KAZN: variants seen among roughly 807,000 people sequenced by gnomAD.
KAZN encodes the protein kazrin, periplakin interacting protein, also known as kazrin.
A neutral mutation model predicts 87.4 loss-of-function variants in KAZN; 40 were observed. The ratio of observed to expected loss-of-function variants is 0.46; its 90% CI spans 0.36 to 0.60. KAZN has a LOEUF of 0.60. KAZN is among the 20% of genes least tolerant of loss of function. KAZN has a pLI of 0.00. For missense variants in KAZN, 898 were observed against 1,073.9 expected (o/e 0.84, Z 2.29); for synonymous variants, 466 against 458.3 (o/e 1.02, Z -0.22).
intron 1 of KAZN, among the ~76,000 whole-genome samples, chr1:14,035,722 G>A (rs757013083): frequency 4.0e-5 from 6 of 150,940 alleles, no homozygotes; most frequent in Admixed American, 1.3e-4. Flanking sequence ...TGATCTGCCC[G>A]CCTCGGCCTC....
rs755510527 is a variant in KAZN, at chr1:15,114,574, A to G, written c.2267A>G (p.Gln756Arg). The change falls in exon 15 of 15, where the codon CAG becomes CGG. Residue 756 changes from glutamine to arginine, a missense_variant. Transcript: ENST00000376030. ...GAAGATTGCGGAGACGATGACCCCCAGAGCAGGCTGGAACAGTGCCGTCTG... is the reference window on the plus strand; with the variant it reads ...GAAGATTGCGGAGACGATGACCCCCGGAGCAGGCTGGAACAGTGCCGTCTG... The part of the protein sequence containing the change: ...QNEDCGDDDP[Q>R]SRLEQCRLEG... The G allele has an allele frequency of 3.7e-6, 6 of 1,605,896 alleles. No homozygotes were observed. The South Asian group carries it at 5.6e-5, about 15-fold the overall frequency.
At chr1:14,478,272 A>AG (rs535899241) in intron 2 of KAZN, among the ~76,000 whole-genome samples, 31,598 of 125,180 alleles carry the variant, frequency 0.25, 4,191 homozygotes, top group East Asian at 0.46. Context: ...GAAGGAAGGA[A>AG]GAAAGGAAGG....
At chr1:14,799,159 ATTGT>A (rs367699200) in intron 1 of KAZN, among the ~76,000 whole-genome samples, 40 of 152,324 alleles carry the variant, frequency 2.6e-4, no homozygotes, top group African/African-American at 9.4e-4. Flanking sequence ...CATTTGTGGC[ATTGT>A]TTGTTACTGC....
rs1238722655 is a variant in KAZN at position 14,052,440 on chromosome 1, C to A, written c.92-127995C>A. The stretch of plus-strand genomic sequence containing the variant: ...GGCTCAGTGGTGGCCGCTGCTACAC[C>A]AAGCCATGCAGGATGCCCTATGGGA... On this transcript the variant is annotated intron_variant, in intron 1 of 16. Transcript: ENST00000636203. 7.2e-5 allele frequency among the ~76,000 whole-genome samples: 11 copies of A among 152,052 alleles called. No homozygotes were observed. The East Asian group carries it at 2.1e-3, about 29-fold the overall frequency.
intron 2 of KAZN, among the ~76,000 whole-genome samples, chr1:14,505,007 C>T (rs1670474559): frequency 6.6e-6 from 1 of 152,184 alleles, no homozygotes; most frequent in Admixed American, 6.5e-5. Flanking sequence ...GCAAATACCA[C>T]CGAAAAGTGT....
At chr1:14,593,746 A>G (rs183972233), upstream of KAZN, among the ~76,000 whole-genome samples, 15 of 152,358 alleles carry the variant, frequency 9.8e-5, no homozygotes, top group East Asian at 2.7e-3. Flanking sequence ...AATCAGATGC[A>G]GAGAGCCAGG....
In KAZN at chr1:15,094,095, C is replaced by T; in HGVS notation, c.1223-85C>T. On this transcript the variant is annotated intron_variant, in intron 8 of 14. Coordinates refer to ENST00000376030, the MANE Select transcript of KAZN (RefSeq NM_201628.3). This position sits in a 1 kb window ranked among gnomAD's most constrained non-coding sequence, Gnocchi z 4.5. Reference sequence around the variant, plus strand: ...ATGGAGGGGAGGATGTCCCCACCACCCTCTGCCTCCCGGGGGTATGGCCTG... The same window carrying T: ...ATGGAGGGGAGGATGTCCCCACCACTCTCTGCCTCCCGGGGGTATGGCCTG... 8.0e-7 allele frequency: 1 copy of T among 1,250,368 alleles called. No individual in the cohort carries two copies. The highest frequency in any genetic ancestry group is 1.1e-6 in the Non-Finnish European group (1 of 885,628). The allele number at this position is 1,250,368 out of a possible 1,614,324, so 77.5% of individuals were successfully genotyped here.
chr1:14,967,676 A>C (rs564051584), intron 2 of KAZN, among the ~76,000 whole-genome samples: 1 of 152,158 alleles, frequency 6.6e-6, no homozygotes, highest in Non-Finnish European at 1.5e-5. Flanking sequence ...AGAGGGATTC[A>C]ATGTGGGGCC....
At chr1:14,409,816 A>T (rs1029428123) in intron 2 of KAZN, among the ~76,000 whole-genome samples, 1 of 152,248 alleles carries the variant, frequency 6.6e-6, no homozygotes, top group East Asian at 1.9e-4. Flanking sequence ...TATCTGAAAG[A>T]TAGTATTTTC....
chr1:14,265,529 G>A (rs888961174), intron 2 of KAZN, among the ~76,000 whole-genome samples: 2 of 152,192 alleles, frequency 1.3e-5, no homozygotes, highest in African/African-American at 2.4e-5. Flanking sequence ...ACAGTCAAGT[G>A]ACCACAAGTG....
chr1:14,252,208 G>A lies in KAZN; in HGVS notation c.249+71616G>A, dbSNP rs146484473. ...ACAGAGATCCAGATGTTCCTAAGGAGTCTTCTCCATTTGGTTTCTGTTTTG... is the reference window on the plus strand; with the variant it reads ...ACAGAGATCCAGATGTTCCTAAGGAATCTTCTCCATTTGGTTTCTGTTTTG... On this transcript the variant is annotated intron_variant, in intron 2 of 16. Coordinates refer to the KAZN transcript ENST00000636203. 1.1e-3 allele frequency among the ~76,000 whole-genome samples: 168 copies of A among 152,272 alleles called. 2 individuals carry two copies. Among genetic ancestry groups the A allele is most frequent in the Middle Eastern group, 6.8e-3 (2 of 294 alleles).
chr1:14,902,730 A>G (rs1460984707), intron 1 of KAZN, among the ~76,000 whole-genome samples: 1 of 152,180 alleles, frequency 6.6e-6, no homozygotes, highest in Non-Finnish European at 1.5e-5. Context: ...CACCCAGAAT[A>G]AAAGGTGTGG....
intron 1 of KAZN, among the ~76,000 whole-genome samples, chr1:14,118,907 G>C (rs950941695): frequency 6.6e-6 from 1 of 152,144 alleles, no homozygotes. Context: ...AAAAGAATGC[G>C]ACAGATTGGT....
chr1:14,126,716 A>C (rs903213041), intron 1 of KAZN, among the ~76,000 whole-genome samples: 29 of 152,172 alleles, frequency 1.9e-4, no homozygotes, highest in African/African-American at 6.5e-4. Flanking sequence ...GTTGTCAATC[A>C]ACCTTGGGTC....
At chr1:14,729,567 T>C (rs1643580155) in intron 1 of KAZN, among the ~76,000 whole-genome samples, 1 of 152,216 alleles carries the variant, frequency 6.6e-6, no homozygotes, top group African/African-American at 2.4e-5. Context: ...GGTGTGTGAA[T>C]GTAGACCTTC....
chr1:14,518,613 C>G (rs971185459), intron 2 of KAZN, among the ~76,000 whole-genome samples: 1 of 152,182 alleles, frequency 6.6e-6, no homozygotes, highest in Admixed American at 6.5e-5. Context: ...CTGATGAATA[C>G]AGCCTTCCCA....
chr1:14,758,943 G>T (rs563109560), intron 1 of KAZN, among the ~76,000 whole-genome samples: 1 of 152,128 alleles, frequency 6.6e-6, no homozygotes, highest in African/African-American at 2.4e-5. Context: ...ATGAAAGTAA[G>T]AGAGCTGGAG....
Position 14,398,048 on chromosome 1 carries a change from G to A in KAZN, c.250-200935G>A, listed in dbSNP as rs924119966. The stretch of plus-strand genomic sequence containing the variant: ...GATTGACTCATAGATGCACAAGTGA[G>A]TCTAGCCAAGATAAGTCAAGCCCAG... On this transcript the variant is annotated intron_variant, in intron 2 of 16. Transcript: ENST00000636203. Among the ~76,000 whole-genome samples the A allele has an allele frequency of 2.6e-5, 4 of 152,122 alleles. No individual in the cohort carries two copies. In the East Asian group the frequency reaches 7.7e-4, roughly 29 times the overall value.
chr1:14,733,376 A>C (rs1177672376), intron 1 of KAZN, among the ~76,000 whole-genome samples: 2 of 152,156 alleles, frequency 1.3e-5, no homozygotes, highest in Non-Finnish European at 2.9e-5. Flanking sequence ...GGAACAGAGA[A>C]GTTCTTTCCC....
Sources: allele counts gnomAD v4.1 joint callset (sites outside exome capture counted in the v4.1 genomes callset), GRCh38; gene constraint gnomAD v4.1.1; non-coding constraint Gnocchi (gnomAD v3.1); transcripts MANE v1.5; gene names NCBI Gene and HGNC (gene_info 2026-07-23, HGNC 2026-07-21).